The following CRADD variants were observed in gnomAD, a reference collection of about 807,000 sequenced individuals.
The protein encoded by CRADD is death domain-containing protein CRADD.
A neutral mutation model predicts 15.5 loss-of-function variants in CRADD; 9 were observed. The ratio of observed to expected loss-of-function variants is 0.58; its 90% CI spans 0.35 to 1.01. The LOEUF is 1.01. Ranked by LOEUF, CRADD falls within the 50% of genes least tolerant of loss-of-function variation. The probability of loss-of-function intolerance (pLI) is 0.02; values close to 1 mark genes in which losing one functional copy is unlikely to be tolerated. For synonymous variants in CRADD, 118 were observed against 107.6 expected (o/e 1.10, Z -0.60); for missense variants, 227 against 250.3 (o/e 0.91, Z 0.63).
rs75406017 is a variant in CRADD, at chr12:93,808,519, C to G, written c.299-41451C>G. Among the ~76,000 whole-genome samples, 375 of 152,232 alleles carry G rather than the reference C, an allele frequency of 2.5e-3. 6 individuals are homozygous for G. Among genetic ancestry groups the G allele is most frequent in the African/African-American group, 8.8e-3 (366 of 41,558 alleles). On this transcript the variant is annotated intron_variant, in intron 2 of 2. Coordinates refer to ENST00000332896, the MANE Select transcript of CRADD (RefSeq NM_003805.5). ...GGGTAGGGACACAGCAACACCACATCAGTTCTCATTTTATTATCCCATGAG... is the reference window on the plus strand; with the variant it reads ...GGGTAGGGACACAGCAACACCACATGAGTTCTCATTTTATTATCCCATGAG...
At chr12:93,806,476 A>AAAAAAG (rs1565920985) in intron 2 of CRADD, among the ~76,000 whole-genome samples, 1 of 150,176 alleles carries the variant, frequency 6.7e-6, no homozygotes, top group African/African-American at 2.4e-5. Flanking sequence ...AAAAAAACAA[A>AAAAAAG]AAAAAGAAAA....
At chr12:93,771,288 C>T (rs1218182657) in intron 2 of CRADD, among the ~76,000 whole-genome samples, 1 of 152,154 alleles carries the variant, frequency 6.6e-6, no homozygotes, top group Non-Finnish European at 1.5e-5. Flanking sequence ...ATTTTAAACT[C>T]TCTCCCAGAG....
At chr12:93,816,088 TAAA>T (rs1250518264) in intron 2 of CRADD, 1 of 152,230 alleles carries the variant, frequency 6.6e-6, no homozygotes, top group Admixed American at 6.5e-5. Flanking sequence ...TTTTAAAAAG[TAAA>T]AAGAATATGT....
intron 2 of CRADD, among the ~76,000 whole-genome samples, chr12:93,865,953 A>G (rs1403518980): frequency 6.6e-6 from 1 of 152,168 alleles, no homozygotes; most frequent in Non-Finnish European, 1.5e-5. Context: ...ATAAAATTCT[A>G]TAAAATTCAT....
At chr12:93,778,791 G>GT (rs1296136068) in intron 2 of CRADD, among the ~76,000 whole-genome samples, 3 of 147,602 alleles carry the variant, frequency 2.0e-5, no homozygotes, top group African/African-American at 7.6e-5. Context: ...GTTATTGCCT[G>GT]TATTAGAATT....
intron 2 of CRADD, among the ~76,000 whole-genome samples, chr12:93,701,315 C>CAT (rs1955840727): frequency 6.6e-6 from 1 of 151,678 alleles, no homozygotes; most frequent in Admixed American, 6.6e-5. Flanking sequence ...CACACACACA[C>CAT]ACACACACAC....
intron 2 of CRADD, among the ~76,000 whole-genome samples, chr12:93,873,383 T>A (rs1355822806): frequency 1.3e-5 from 2 of 152,168 alleles, no homozygotes; most frequent in African/African-American, 4.8e-5. Flanking sequence ...TCCTTTCCAG[T>A]TTGGATGACC....
chr12:93,701,332 A>ACACACACACACACACACACAC (rs1555215845), intron 2 of CRADD, among the ~76,000 whole-genome samples: 1 of 147,366 alleles, frequency 6.8e-6, no homozygotes, highest in African/African-American at 2.5e-5. Context: ...ACACACACAC[A>ACACACACACACACACACACAC]ATCTGTAAGT....
chr12:93,894,809 C>T (rs1012107470), downstream of CRADD: 2 of 152,342 alleles, frequency 1.3e-5, no homozygotes, highest in African/African-American at 4.8e-5. Flanking sequence ...ACTCGGTCTC[C>T]CCTTCAGACC....
At chr12:93,705,667 T>C (rs1052501651) in intron 2 of CRADD, among the ~76,000 whole-genome samples, 3 of 152,220 alleles carry the variant, frequency 2.0e-5, no homozygotes, top group African/African-American at 7.2e-5. Context: ...TTCTTTGGAA[T>C]TTAATGTGTC....
chr12:93,691,096 A>T (rs1477848533), intron 2 of CRADD, among the ~76,000 whole-genome samples: 1 of 152,126 alleles, frequency 6.6e-6, no homozygotes, highest in Admixed American at 6.5e-5. Context: ...TTTATTATTA[A>T]TTAGTTATGT....
chr12:93,729,776 A>G (rs1956432146), intron 2 of CRADD, among the ~76,000 whole-genome samples: 1 of 141,874 alleles, frequency 7.0e-6, no homozygotes, highest in African/African-American at 2.8e-5. Context: ...CAAGAGAGAG[A>G]CTCCGTCTCA....
chr12:93,702,885 T>G (rs1955868228), intron 2 of CRADD, among the ~76,000 whole-genome samples: 1 of 152,192 alleles, frequency 6.6e-6, no homozygotes, highest in African/African-American at 2.4e-5. Context: ...AGCTGTGGCC[T>G]TGGTTAAATT....
Position 93,842,843 on chromosome 12 carries a change from T to C in CRADD, c.299-7127T>C, listed in dbSNP as rs371422437. On this transcript the variant is annotated intron_variant, in intron 2 of 2. Coordinates refer to ENST00000332896, the MANE Select transcript of CRADD (RefSeq NM_003805.5). ...GTGGGGGAGAGTAGGGGGAGGTGTT[T>C]CCATTTTCCTTTAAGTGGATCCTTG... Among the ~76,000 whole-genome samples, 5 of 151,530 alleles carry C rather than the reference T, an allele frequency of 3.3e-5. No homozygotes were observed. The South Asian group carries it at 8.4e-4, about 26-fold the overall frequency.
At chr12:93,880,684 T>C (rs1958492389) in intron 2 of CRADD, among the ~76,000 whole-genome samples, 1 of 152,188 alleles carries the variant, frequency 6.6e-6, no homozygotes, top group South Asian at 2.1e-4. Flanking sequence ...AAGGACTGTC[T>C]CTACAAATTT....
intron 2 of CRADD, among the ~76,000 whole-genome samples, chr12:93,719,443 G>T (rs991765789): frequency 5.9e-5 from 9 of 152,018 alleles, no homozygotes; most frequent in African/African-American, 2.2e-4. Flanking sequence ...TTGGTATTAG[G>T]GTGATGCTGA....
intron 2 of CRADD, among the ~76,000 whole-genome samples, chr12:93,695,198 G>C (rs1955672916): frequency 6.6e-6 from 1 of 152,184 alleles, no homozygotes; most frequent in African/African-American, 2.4e-5. Context: ...CAACAAAGGT[G>C]CCAATAAGAC....
chr12:93,758,188 A>G (rs1199034051), intron 2 of CRADD, among the ~76,000 whole-genome samples: 1 of 152,220 alleles, frequency 6.6e-6, no homozygotes, highest in African/African-American at 2.4e-5. Flanking sequence ...ATAGAATTAA[A>G]ACCAGTCTCT....
chr12:93,807,196 C>G (rs1236169278), intron 2 of CRADD, among the ~76,000 whole-genome samples: 2 of 152,136 alleles, frequency 1.3e-5, no homozygotes. Context: ...GATGTAGAAA[C>G]TCATTTTTGT....
Sources: gnomAD v4.1 joint callset for allele counts (sites outside exome capture counted in the v4.1 genomes callset) on GRCh38, gnomAD v4.1.1 for gene constraint, MANE v1.5 for transcripts, NCBI Gene and HGNC (gene_info 2026-07-23, HGNC 2026-07-21) for gene names.